ATM: variants seen among roughly 807,000 people sequenced by gnomAD.
The protein encoded by ATM is ATM serine/threonine kinase.
Under a neutral mutation model 387.0 loss-of-function variants are expected in ATM, and 308 were observed. The observed-to-expected ratio is 0.80, with a 90% CI of 0.73 to 0.87. The LOEUF is 0.87. Among genes scored for constraint, ATM ranks in the 40% least tolerant of loss-of-function variants. The pLI, the probability that ATM is intolerant of heterozygous loss-of-function variation, is 0.00. For synonymous variants in ATM, 1,156 were observed against 1,187.3 expected (o/e 0.97, Z 0.54); for missense variants, 3,312 against 3,560.9 (o/e 0.93, Z 1.78).
Position 108,365,339 on chromosome 11 carries a change from G to C in ATM, c.9002G>C (p.Ser3001Thr), listed in dbSNP as rs587781413. Residue 3001 changes from serine to threonine, a missense_variant, in exon 63 of 63, where the codon AGT becomes ACT. Transcript: ENST00000675843. ...CKRNLSDIDQ[S>T]FNKVAERVLM... ...TTTGTCCTTAGTGATATTGACCAGAGTTTCAACAAAGTAGCTGAACGTGTC... is the reference window on the plus strand; with the variant it reads ...TTTGTCCTTAGTGATATTGACCAGACTTTCAACAAAGTAGCTGAACGTGTC... The C allele has an allele frequency of 6.2e-7, 1 of 1,614,216 alleles. No homozygotes were observed. Among genetic ancestry groups the C allele is most frequent in the Non-Finnish European group, 8.5e-7 (1 of 1,180,036 alleles).
At chr11:108,316,299 A>G (rs2084644309) in intron 42 of ATM, among the ~76,000 whole-genome samples, 186 bp downstream of exon 42, 2 of 152,318 alleles carry the variant, frequency 1.3e-5, no homozygotes, top group African/African-American at 4.8e-5. Flanking sequence ...AAAAAAGAGA[A>G]AAAATTCAGG....
At chr11:108,259,593 G>A (rs1244281769) in intron 16 of ATM, among the ~76,000 whole-genome samples, 1 of 152,198 alleles carries the variant, frequency 6.6e-6, no homozygotes. Context: ...GCATAGTAGT[G>A]CCTGCCTTTA....
At chr11:108,247,256 T>G in intron 8 of ATM, 129 bp downstream of exon 8, 1 of 807,518 alleles carries the variant, frequency 1.2e-6, no homozygotes, top group East Asian at 2.7e-5. Context: ...ATGCAACTAT[T>G]CCTTTCAAAC....
intron 13 of ATM, among the ~76,000 whole-genome samples, chr11:108,254,740 T>A (rs2080367960): frequency 6.6e-6 from 1 of 152,034 alleles, no homozygotes; most frequent in African/African-American, 2.4e-5. Context: ...GCAACCTCCG[T>A]CTTCCAGTTC....
At position 108,316,144 on chromosome 11, in the gene ATM, TCACTAGTGTAGTGCTGAGGTTA is replaced by T. The variant is rs775580315; in HGVS notation, c.6198+32_6198+53del. The T allele has an allele frequency of 2.1e-4, 328 of 1,579,278 alleles. 2 individuals are homozygous for T. The East Asian group carries it at 7.3e-3, about 35-fold the overall frequency. ...TTTTTTCCCAGATTTGGTAAAGCCA[TCACTAGTGTAGTGCTGAGGTTA>T]TTTCAGTATGTTGGTGGATATTTAC... On this transcript the variant is annotated intron_variant, in intron 42 of 62. Transcript: ENST00000675843.
chr11:108,266,400 C>T (rs191218874), intron 16 of ATM, among the ~76,000 whole-genome samples: 97 of 150,194 alleles, frequency 6.5e-4, no homozygotes, highest in African/African-American at 2.3e-3. Context: ...AAACCAAACA[C>T]CGCATGTTCT....
chr11:108,259,677 G>T (rs4987966), intron 16 of ATM, among the ~76,000 whole-genome samples: 1 of 152,030 alleles, frequency 6.6e-6, no homozygotes, highest in Non-Finnish European at 1.5e-5. Context: ...GCGCAACATT[G>T]TACCAAAATT....
At chr11:108,357,138 G>T (rs372707035) in intron 61 of ATM, among the ~76,000 whole-genome samples, 2 of 152,358 alleles carry the variant, frequency 1.3e-5, no homozygotes, top group African/African-American at 4.8e-5. Flanking sequence ...CTTGGGAAGC[G>T]CAAGGGTCAG....
chr11:108,244,208 C>T lies in ATM; in HGVS notation c.662+90C>T, dbSNP rs536924510. The T allele has an allele frequency of 1.5e-5, 22 of 1,447,576 alleles. No homozygotes were observed. The African/African-American group carries it at 2.7e-4, about 18-fold the overall frequency. The allele number at this position is 1,447,576 out of a possible 1,614,324, so 89.7% of individuals were successfully genotyped here. On this transcript the variant is annotated intron_variant, in intron 6 of 62. Transcript: ENST00000675843. ...TAGACTCAGTAACTAAAAATTCTAC[C>T]TTAAAATAAAACATTGATCCATCAT...
At chr11:108,227,931 T>C (rs750873287) in intron 3 of ATM, 43 bp downstream of exon 3, 3 of 1,493,666 alleles carry the variant, frequency 2.0e-6, no homozygotes, top group Non-Finnish European at 2.8e-6. Context: ...TTTTTCTCTT[T>C]CATATTTATT....
At chr11:108,238,371 C>G (rs965004278) in intron 5 of ATM, among the ~76,000 whole-genome samples, 3 of 152,014 alleles carry the variant, frequency 2.0e-5, no homozygotes, top group African/African-American at 7.2e-5. Flanking sequence ...AGGCTGGTCT[C>G]AAACTCCTGG....
At position 108,299,740 on chromosome 11, in the gene ATM, G is replaced by A. The variant is rs1299754311; in HGVS notation, c.5032G>A (p.Val1678Met). 1.2e-6 allele frequency: 2 copies of A among 1,613,780 alleles called. No individual in the cohort carries two copies. The highest frequency in any genetic ancestry group is 1.1e-5 in the South Asian group (1 of 91,088). Residue 1678 changes from valine to methionine, a missense_variant, in exon 34 of 63, where the codon GTG (valine) becomes ATG (methionine). By Grantham distance (21) the Val-to-Met change is conservative (BLOSUM62 1). Around this residue, in one of 4 missense-constraint regions of ATM, gnomAD observed 1,405 missense variants for 1,604.4 expected, o/e 0.88. Transcript: ENST00000675843. ...GGCTGTTGGAAGCTGCTTGGGAGAAGTGGGTCCTATAGATTTCTCTACCAT... is the reference window on the plus strand; with the variant it reads ...GGCTGTTGGAAGCTGCTTGGGAGAAATGGGTCCTATAGATTTCTCTACCAT... Reference protein sequence around the residue: ...LEAVGSCLGEVGPIDFSTIAI... With the variant: ...LEAVGSCLGEMGPIDFSTIAI...
chr11:108,337,589 A>C (rs954665499), intron 56 of ATM, among the ~76,000 whole-genome samples: 1 of 152,212 alleles, frequency 6.6e-6, no homozygotes, highest in African/African-American at 2.4e-5. Context: ...TTGATGCTGC[A>C]CTGGTCCAGG....
intron 50 of ATM, 107 bp from the exon 51 acceptor site, chr11:108,331,337 C>A: frequency 2.0e-6 from 3 of 1,472,296 alleles, no homozygotes; most frequent in South Asian, 2.8e-5. Flanking sequence ...TTTTGTTAAC[C>A]ACTTGTGCTA....
At chr11:108,300,652 T>C (rs2083380732) in intron 34 of ATM, among the ~76,000 whole-genome samples, 1 of 152,240 alleles carries the variant, frequency 6.6e-6, no homozygotes, top group Non-Finnish European at 1.5e-5. Context: ...AATGTACCTG[T>C]ATATTTCTTT....
At position 108,367,638 on chromosome 11, in the gene ATM, A is replaced by G. The variant is rs2091403453; in HGVS notation, c.*2130A>G. 9.5e-6 allele frequency: 2 copies of G among 209,734 alleles called. No homozygotes were observed. The highest frequency in any genetic ancestry group is 5.9e-5 in the Admixed American group (1 of 16,980). 13.0% of individuals were successfully genotyped at this position (209,734 alleles called of 1,614,324 possible). A position where few individuals can be genotyped will look rare whatever the true frequency, so the allele number is the denominator to read the frequency against. ...CGTATTTGGACCTTGAAGGTTATATAAATTTTTTTCTTATGAAGAGTTGGC... is the reference window on the plus strand; with the variant it reads ...CGTATTTGGACCTTGAAGGTTATATGAATTTTTTTCTTATGAAGAGTTGGC... On this transcript the variant is annotated 3_prime_UTR_variant, in exon 63 of 63. Coordinates refer to ENST00000675843, the MANE Select transcript of ATM (RefSeq NM_000051.4).
Position 108,334,107 on chromosome 11 carries a change from G to A in ATM, c.8010+139G>A. The A allele has an allele frequency of 8.8e-6, 6 of 682,394 alleles. No individual in the cohort carries two copies. The South Asian group carries it at 1.0e-4, about 12-fold the overall frequency. The allele number at this position is 682,394 out of a possible 1,614,324, so 42.3% of individuals were successfully genotyped here. A position where few individuals can be genotyped will look rare whatever the true frequency, so the allele number is the denominator to read the frequency against. On this transcript the variant is annotated intron_variant, in intron 54 of 62. Coordinates refer to ENST00000675843, the MANE Select transcript of ATM (RefSeq NM_000051.4). ...ATATGTTTCAACCTATAATTTCTCA[G>A]TATTATATTTCCTTTGCCCAAGCCC...
Position 108,261,332 on chromosome 11 carries a change from C to T in ATM, c.2466+2257C>T, listed in dbSNP as rs568582653. On this transcript the variant is annotated intron_variant, in intron 16 of 62. Coordinates refer to ENST00000675843, the MANE Select transcript of ATM (RefSeq NM_000051.4). ...CTCAAGTGGGTCCCTGACCCTGACC[C>T]CCGAACAGCCTAACTGGGAGGCACC... is the stretch of plus-strand genomic sequence containing the variant. Among the ~76,000 whole-genome samples, 318 of 152,306 alleles carry T rather than the reference C, an allele frequency of 2.1e-3. 2 individuals carry two copies. The highest frequency in any genetic ancestry group is 2.9e-3 in the Non-Finnish European group (200 of 68,040).
At chr11:108,236,495 ACTCCGGC>A (rs2079282600) in intron 5 of ATM, 1 of 151,114 alleles carries the variant, frequency 6.6e-6, no homozygotes, top group South Asian at 2.1e-4. Flanking sequence ...ATCACACTGC[ACTCCGGC>A]CTCCATGACA....
Sources: gnomAD v4.1 joint callset for allele counts (sites outside exome capture counted in the v4.1 genomes callset) on GRCh38, gnomAD v4.1.1 for gene constraint, gnomAD v4.1.1 regional missense constraint, MANE v1.5 for transcripts, NCBI Gene and HGNC (gene_info 2026-07-23, HGNC 2026-07-21) for gene names.